ST3GAL4: variants seen among roughly 807,000 people sequenced by gnomAD.
ST3GAL4 encodes CMP-N-acetylneuraminate-beta-galactosamide-alpha-2,3-sialyltransferase 4.
Under a neutral mutation model 42.6 loss-of-function variants are expected in ST3GAL4, and 24 were observed. That is an observed-to-expected ratio of 0.56 (90% CI 0.41 to 0.79). The LOEUF (loss-of-function observed/expected upper bound fraction) is 0.79. Ranked by LOEUF, ST3GAL4 falls within the 30% of genes least tolerant of loss-of-function variation. The probability of loss-of-function intolerance (pLI) is 0.00; values close to 1 mark genes in which losing one functional copy is unlikely to be tolerated. For synonymous variants in ST3GAL4, 135 were observed against 163.2 expected (o/e 0.83, Z 1.32); for missense variants, 311 against 430.8 (o/e 0.72, Z 2.46).
chr11:126,395,025 G>T (rs1177321844), intron 1 of ST3GAL4, among the ~76,000 whole-genome samples: 1 of 152,022 alleles, frequency 6.6e-6, no homozygotes, highest in Non-Finnish European at 1.5e-5. Context: ...ACTCTAATGA[G>T]CCAGGAAGCC....
At position 126,384,762 on chromosome 11, in the gene ST3GAL4, C is replaced by T. The variant is rs1565406595; in HGVS notation, c.-60-21334C>T. The T allele has an allele frequency of 1.7e-5, 17 of 985,256 alleles. No individual in the cohort carries two copies. The highest frequency in any genetic ancestry group is 9.4e-5 in the South Asian group (2 of 21,284). The allele number at this position is 985,256 out of a possible 1,614,324, so 61.0% of individuals were successfully genotyped here. A position where few individuals can be genotyped will look rare whatever the true frequency, so the allele number is the denominator to read the frequency against. On this transcript the variant is annotated intron_variant, in intron 1 of 10. Transcript: ENST00000444328. The surrounding 1 kb of genome is among the most constrained non-coding windows in gnomAD (Gnocchi z 5.5). ...GGCTGGGCCATGGGTGAATCTGAGT[C>T]GAGGGCAGGACAGAGTGGGAGTGGC...
chr11:126,357,952 C>T (rs1299866745), intron 1 of ST3GAL4, among the ~76,000 whole-genome samples: 1 of 152,236 alleles, frequency 6.6e-6, no homozygotes, highest in African/African-American at 2.4e-5. Flanking sequence ...CCGTGCCTGC[C>T]AAGTTCCAGA....
intron 1 of ST3GAL4, among the ~76,000 whole-genome samples, chr11:126,404,793 C>T (rs944296703): frequency 2.4e-4 from 37 of 152,220 alleles, no homozygotes; most frequent in African/African-American, 8.4e-4. Flanking sequence ...TCTCCTCTGA[C>T]TCAAGACTCT....
At chr11:126,374,534 G>C (rs1430132427) in intron 1 of ST3GAL4, among the ~76,000 whole-genome samples, 1 of 151,248 alleles carries the variant, frequency 6.6e-6, no homozygotes, top group Non-Finnish European at 1.5e-5. Flanking sequence ...CTACGGAAAA[G>C]CATTCTTGAC....
intron 1 of ST3GAL4, chr11:126,405,737 G>T: frequency 3.6e-6 from 1 of 276,406 alleles, no homozygotes; most frequent in Non-Finnish European, 7.0e-6. Flanking sequence ...AGTGGGCGGG[G>T]GTAGCTGTCT....
At chr11:126,380,016 C>T (rs1222135749) in intron 1 of ST3GAL4, among the ~76,000 whole-genome samples, 1 of 152,056 alleles carries the variant, frequency 6.6e-6, no homozygotes, top group Non-Finnish European at 1.5e-5. Context: ...AATGGTAGCA[C>T]TTTGGGAAGC....
At chr11:126,370,523 A>T (rs1290482187) in intron 1 of ST3GAL4, among the ~76,000 whole-genome samples, 1 of 152,236 alleles carries the variant, frequency 6.6e-6, no homozygotes, top group Non-Finnish European at 1.5e-5. Flanking sequence ...CTGATAAGTT[A>T]ATATATGTAC....
intron 1 of ST3GAL4, among the ~76,000 whole-genome samples, chr11:126,404,398 C>T (rs1014922088): frequency 6.6e-6 from 1 of 152,240 alleles, no homozygotes. Flanking sequence ...GTGTGCCAAG[C>T]AGCATGCTAC....
chr11:126,406,786 A>G lies in ST3GAL4; in HGVS notation c.102-157A>G, dbSNP rs1954253173. The G allele has an allele frequency of 2.2e-6, 2 of 929,836 alleles. No individual in the cohort carries two copies. Among genetic ancestry groups the G allele is most frequent in the Admixed American group, 4.8e-5 (2 of 41,564 alleles). The allele number at this position is 929,836 out of a possible 1,614,324, so 57.6% of individuals were successfully genotyped here. A position where few individuals can be genotyped will look rare whatever the true frequency, so the allele number is the denominator to read the frequency against. ...GGAGTGCAGGGGCAGGAAGACCTGG[A>G]TCCTCAAGGACTTGGGTTCCAAGTG... On this transcript the variant is annotated intron_variant, in intron 3 of 10. Coordinates refer to ENST00000444328, the MANE Select transcript of ST3GAL4 (RefSeq NM_001254757.2). This position sits in a 1 kb window ranked among gnomAD's most constrained non-coding sequence, Gnocchi z 5.4.
intron 1 of ST3GAL4, among the ~76,000 whole-genome samples, chr11:126,381,688 T>G (rs1953009488): frequency 6.7e-6 from 1 of 150,254 alleles, no homozygotes; most frequent in African/African-American, 2.5e-5. Flanking sequence ...CTTTGGACCT[T>G]TCCCACCAGT....
chr11:126,391,228 A>G lies in ST3GAL4; in HGVS notation c.-60-14868A>G, dbSNP rs1012272646. On this transcript the variant is annotated intron_variant, in intron 1 of 10. Coordinates refer to ENST00000444328, the MANE Select transcript of ST3GAL4 (RefSeq NM_001254757.2). The surrounding 1 kb of genome is among the most constrained non-coding windows in gnomAD (Gnocchi z 5.5). ...CCCAGAAGTGCAGTTGCTTGATCCTATCCTGTCCCTTGCTTTTCCCTTTGC... is the reference window on the plus strand; with the variant it reads ...CCCAGAAGTGCAGTTGCTTGATCCTGTCCTGTCCCTTGCTTTTCCCTTTGC... Among the ~76,000 whole-genome samples the G allele has an allele frequency of 4.0e-5, 6 of 149,292 alleles. No individual in the cohort carries two copies. The highest frequency in any genetic ancestry group is 9.9e-5 in the African/African-American group (4 of 40,544).
chr11:126,372,408 CT>C (rs1952689297), intron 1 of ST3GAL4, among the ~76,000 whole-genome samples: 1 of 149,544 alleles, frequency 6.7e-6, no homozygotes, highest in South Asian at 2.1e-4. Context: ...TTTTTCTTTT[CT>C]TTTCTTTTCT....
rs1036945546 is a variant in ST3GAL4 at position 126,409,633 on chromosome 11, T to C, written c.771+222T>C. ...TAAGTGGGGAGGGATGGGGATGGCC[T>C]GGATCAGGTTTAGGGGCTGGTGTGA... On this transcript the variant is annotated intron_variant, in intron 9 of 10. Transcript: ENST00000444328. The surrounding 1 kb of genome is among the most constrained non-coding windows in gnomAD (Gnocchi z 4.9). Among the ~76,000 whole-genome samples the C allele has an allele frequency of 1.3e-5, 2 of 152,114 alleles. No homozygotes were observed. The highest frequency in any genetic ancestry group is 2.9e-5 in the Non-Finnish European group (2 of 68,014).
Position 126,376,244 on chromosome 11 carries a change from T to C in ST3GAL4, c.-61+20402T>C, listed in dbSNP as rs957389913. 3.9e-5 allele frequency among the ~76,000 whole-genome samples: 6 copies of C among 152,220 alleles called. No homozygotes were observed. Among genetic ancestry groups the C allele is most frequent in the African/African-American group, 1.4e-4 (6 of 41,458 alleles). On this transcript the variant is annotated intron_variant, in intron 1 of 10. Transcript: ENST00000444328. The surrounding 1 kb of genome is among the most constrained non-coding windows in gnomAD (Gnocchi z 5.1). ...ATAGTGGGCAATATTTGAAAGCCAG[T>C]AAATATAAAATAAAATATATTACCT...
intron 10 of ST3GAL4, 82 bp from the exon 11 acceptor site, chr11:126,413,879 A>G: frequency 6.6e-7 from 1 of 1,525,856 alleles, no homozygotes. Flanking sequence ...GTGTGGGGCC[A>G]TTGGGAGGGG....
In ST3GAL4 at chr11:126,373,147, G is replaced by A. The variant is rs1315450049; in HGVS notation, c.-61+17305G>A. ...TGAGTAGTGGAGGAACTTTGAAAGG[G>A]TCTGTTCTGGAGAGGGGGTGCTGCT... On this transcript the variant is annotated intron_variant, in intron 1 of 10. Transcript: ENST00000444328. This position sits in a 1 kb window ranked among gnomAD's most constrained non-coding sequence, Gnocchi z 5.5. 6.6e-6 allele frequency among the ~76,000 whole-genome samples: 1 copy of A among 152,242 alleles called. No homozygotes were observed. The highest frequency in any genetic ancestry group is 2.4e-5 in the African/African-American group (1 of 41,470).
intron 1 of ST3GAL4, among the ~76,000 whole-genome samples, chr11:126,394,430 TTTTTTCTTTTC>T (rs1203555232): frequency 6.6e-6 from 1 of 152,216 alleles, no homozygotes; most frequent in Non-Finnish European, 1.5e-5. Context: ...TATGATTTTC[TTTTTTCTTTTC>T]TTTTTGTTTG....
chr11:126,378,443 T>C lies in ST3GAL4; in HGVS notation c.-61+22601T>C, dbSNP rs1952895654. The stretch of plus-strand genomic sequence containing the variant: ...CTTTTTATTTGAGACGGAGTCTTGC[T>C]GTGTCACTCAGGCTGGAGTCAGTGG... On this transcript the variant is annotated intron_variant, in intron 1 of 10. Coordinates refer to ENST00000444328, the MANE Select transcript of ST3GAL4 (RefSeq NM_001254757.2). This position sits in a 1 kb window ranked among gnomAD's most constrained non-coding sequence, Gnocchi z 5.3. Among the ~76,000 whole-genome samples the C allele has an allele frequency of 6.6e-6, 1 of 152,226 alleles. No homozygotes were observed.
rs774663461 is a variant in ST3GAL4 at position 126,409,259 on chromosome 11, T to C, written c.628-9T>C. Reference sequence around the variant, plus strand: ...CTTCTGTCTCTCTCTTCTGACCCCATCCTCCTAGGTGCGAAAGGGTTTCTG... The same window carrying C: ...CTTCTGTCTCTCTCTTCTGACCCCACCCTCCTAGGTGCGAAAGGGTTTCTG... On this transcript the variant is annotated splice_polypyrimidine_tract_variant and intron_variant, in intron 8 of 10. Coordinates refer to ENST00000444328, the MANE Select transcript of ST3GAL4 (RefSeq NM_001254757.2). The surrounding 1 kb of genome is among the most constrained non-coding windows in gnomAD (Gnocchi z 4.9). The C allele has an allele frequency of 6.2e-7, 1 of 1,613,852 alleles. No individual in the cohort carries two copies. Among genetic ancestry groups the C allele is most frequent in the Non-Finnish European group, 8.5e-7 (1 of 1,179,730 alleles).
Sources: gnomAD v4.1 joint callset for allele counts (sites outside exome capture counted in the v4.1 genomes callset) on GRCh38, gnomAD v4.1.1 for gene constraint, Gnocchi (gnomAD v3.1) non-coding constraint, MANE v1.5 for transcripts, NCBI Gene and HGNC (gene_info 2026-07-23, HGNC 2026-07-21) for gene names.